IKBKE: variants seen among roughly 807,000 people sequenced by gnomAD.
IKBKE encodes inhibitor of nuclear factor kappa B kinase subunit epsilon.
IKBKE carries 45 observed loss-of-function variants against 92.1 expected under a neutral mutation model. That is an observed-to-expected ratio of 0.49 (90% confidence interval 0.38 to 0.63). The LOEUF (loss-of-function observed/expected upper bound fraction) is 0.63, where lower values mean the gene tolerates loss of function less well. Ranked by LOEUF, IKBKE falls within the 20% of genes least tolerant of loss-of-function variation. IKBKE has a pLI of 0.00. For synonymous variants in IKBKE, 374 were observed against 380.3 expected, an observed-to-expected ratio of 0.98 and a Z score of 0.19; for missense variants, 700 against 932.8, an observed-to-expected ratio of 0.75 and a Z score of 3.25.
rs782170230 is a variant in IKBKE at position 206,476,641 on chromosome 1, T to G, written c.541-37T>G. ...ACAGGTCTCAGGCCCTTGCCAGCCC[T>G]CCGGCTCCATGGCCTCATTCTGGTT... On this transcript the variant is annotated intron_variant, in intron 6 of 21. Transcript: ENST00000581977. The surrounding 1 kb of genome is among the most constrained non-coding windows in gnomAD (Gnocchi z 5.1). 1.5e-5 allele frequency: 25 copies of G among 1,613,108 alleles called. No individual in the cohort carries two copies. Among genetic ancestry groups the G allele is most frequent in the Non-Finnish European group, 2.0e-5 (24 of 1,179,410 alleles).
rs781825596 is a variant in IKBKE at position 206,479,916 on chromosome 1, G to A, written c.1230G>A (p.Ala410=). The A allele has an allele frequency of 2.3e-5, 37 of 1,613,816 alleles. No individual in the cohort carries two copies. Among genetic ancestry groups the A allele is most frequent in the East Asian group, 1.6e-4 (7 of 44,804 alleles). ...PKFVPKVDLQ[A]DYNTAKGVLG... ...TCGTCCCCAAAGTGGACCTGCAGGCGGATTACAACACTGCCAAGGTGAGGG... is the reference window on the plus strand; with the variant it reads ...TCGTCCCCAAAGTGGACCTGCAGGCAGATTACAACACTGCCAAGGTGAGGG... Residue 410 remains alanine, a synonymous_variant, in exon 11 of 22, where the codon GCG becomes GCA. Transcript: ENST00000581977.
chr1:206,480,898 C>T (rs1665346044), intron 13 of IKBKE, among the ~76,000 whole-genome samples: 1 of 152,214 alleles, frequency 6.6e-6, no homozygotes, highest in East Asian at 1.9e-4. Flanking sequence ...GGAGGACACA[C>T]ACCCACGCAC....
rs540733603 is a variant in IKBKE, at chr1:206,484,459, T to C, written c.1428-538T>C. Among the ~76,000 whole-genome samples, 6 of 152,232 alleles carry C rather than the reference T, an allele frequency of 3.9e-5. No individual in the cohort carries two copies. The South Asian group carries it at 1.2e-3, about 31-fold the overall frequency. On this transcript the variant is annotated intron_variant, in intron 13 of 21. Transcript: ENST00000581977. ...TGTAGAAGAAAGAAGCAGAGTGGTG[T>C]GACCTTGTCACCGTGCAAATGCCCA...
rs41299253 is a variant in IKBKE at position 206,489,120 on chromosome 1, G to A, written c.1693+1130G>A. 5.7e-3 allele frequency among the ~76,000 whole-genome samples: 862 copies of A among 151,392 alleles called. 6 individuals carry two copies. The highest frequency in any genetic ancestry group is 0.019 in the African/African-American group (766 of 41,238). ...AATGGCATGATCACTGCTCACTGTC[G>A]CCTCAACCTCCTGGGCTCAAGCCAT... On this transcript the variant is annotated intron_variant, in intron 16 of 21. Coordinates refer to ENST00000581977, the MANE Select transcript of IKBKE (RefSeq NM_014002.4).
chr1:206,485,318 T>C lies in IKBKE; in HGVS notation c.1616+12T>C. 1 of 1,562,870 alleles carries C rather than the reference T, an allele frequency of 6.4e-7. No homozygotes were observed. Among genetic ancestry groups the C allele is most frequent in the Non-Finnish European group, 8.8e-7 (1 of 1,133,438 alleles). ...CATGAGGACAGAAGGTCTGTGGGAT[T>C]TTCCTTCTTTGTGGGGTGGGAGTGG... On this transcript the variant is annotated intron_variant, in intron 15 of 21. Coordinates refer to ENST00000581977, the MANE Select transcript of IKBKE (RefSeq NM_014002.4). This position sits in a 1 kb window ranked among gnomAD's most constrained non-coding sequence, Gnocchi z 5.0.
At position 206,476,421 on chromosome 1, in the gene IKBKE, C is replaced by G; in HGVS notation, c.540+59C>G. On this transcript the variant is annotated intron_variant, in intron 6 of 21. Transcript: ENST00000581977. This position sits in a 1 kb window ranked among gnomAD's most constrained non-coding sequence, Gnocchi z 5.1. ...CTGAGGGCTCCCCTTGCCTTGTGAG[C>G]CCCCCAGAGCCCCCATGAGGGGGTG... 6.6e-7 allele frequency: 1 copy of G among 1,516,656 alleles called. No individual in the cohort carries two copies. The highest frequency in any genetic ancestry group is 1.4e-5 in the African/African-American group (1 of 72,972). The allele number at this position is 1,516,656 out of a possible 1,614,324, so 93.9% of individuals were successfully genotyped here.
chr1:206,491,310 T>TCA (rs1405625472), intron 17 of IKBKE: 4 of 361,546 alleles, frequency 1.1e-5, no homozygotes, highest in East Asian at 6.3e-5. Context: ...CCTTTTTGTC[T>TCA]CACACACACA....
At chr1:206,488,031 T>A (rs1370357215) in intron 16 of IKBKE, 41 bp downstream of exon 16, 1 of 1,456,830 alleles carries the variant, frequency 6.9e-7, no homozygotes, top group Admixed American at 1.7e-5. Flanking sequence ...CTCTCCTCTG[T>A]CTCCCTTCTT....
intron 7 of IKBKE, among the ~76,000 whole-genome samples, 159 bp from the exon 8 acceptor site, chr1:206,477,590 C>G (rs185331856): frequency 6.6e-6 from 1 of 152,188 alleles, no homozygotes. Context: ...GCAAGGCGCT[C>G]TCACAGCTGA....
chr1:206,478,191 G>T lies in IKBKE; in HGVS notation c.844G>T (p.Ala282Ser), dbSNP rs1553385974. ...GCAGAGCCAGCTGGTGCCCATCCTGGCCAACATCCTGGAGGTGGAGCAGGC... is the reference window on the plus strand; with the variant it reads ...GCAGAGCCAGCTGGTGCCCATCCTGTCCAACATCCTGGAGGTGGAGCAGGC... ...GLQSQLVPIL[A>S]NILEVEQAKC... The change falls in exon 9 of 22, where the codon GCC (alanine) becomes TCC (serine). Residue 282 changes from alanine to serine, a missense_variant. By Grantham distance (99) the Ala-to-Ser change is moderately conservative. Transcript: ENST00000581977. The surrounding 1 kb of genome is among the most constrained non-coding windows in gnomAD (Gnocchi z 4.8). 2 of 1,614,014 alleles carry T rather than the reference G, an allele frequency of 1.2e-6. No homozygotes were observed. Among genetic ancestry groups the T allele is most frequent in the South Asian group, 2.2e-5 (2 of 91,090 alleles).
At chr1:206,494,879 C>T (rs1666146161) in intron 21 of IKBKE, among the ~76,000 whole-genome samples, 1 of 150,554 alleles carries the variant, frequency 6.6e-6, no homozygotes, top group South Asian at 2.1e-4. Context: ...GCTGGGATTA[C>T]AGACATGAAC....
rs1319455874 is a variant in IKBKE at position 206,490,373 on chromosome 1, G to C, written c.1694-446G>C. Among the ~76,000 whole-genome samples, 2 of 152,220 alleles carry C rather than the reference G, an allele frequency of 1.3e-5. No individual in the cohort carries two copies. Among genetic ancestry groups the C allele is most frequent in the Non-Finnish European group, 2.9e-5 (2 of 68,034 alleles). On this transcript the variant is annotated intron_variant, in intron 16 of 21. Coordinates refer to ENST00000581977, the MANE Select transcript of IKBKE (RefSeq NM_014002.4). The surrounding 1 kb of genome is among the most constrained non-coding windows in gnomAD (Gnocchi z 5.2). ...GGCTGGGCAGAGCGGGGAGGTAGAA[G>C]GTGGTGGCCTGATTTCTCCAGCTCG... is the stretch of plus-strand genomic sequence containing the variant.
chr1:206,474,810 G>A (rs550689498), intron 4 of IKBKE, 55 bp from the exon 5 acceptor site: 3 of 1,594,342 alleles, frequency 1.9e-6, no homozygotes, highest in Non-Finnish European at 2.6e-6. Flanking sequence ...CTTCTTCCTG[G>A]TGGGTGGGGA....
intron 4 of IKBKE, 117 bp downstream of exon 4, chr1:206,474,588 C>A: frequency 8.9e-7 from 1 of 1,124,758 alleles, no homozygotes. Flanking sequence ...TCAGAGACAG[C>A]AGGCAAATTG....
chr1:206,481,936 C>T (rs1046112537), intron 13 of IKBKE, among the ~76,000 whole-genome samples: 6 of 151,710 alleles, frequency 4.0e-5, no homozygotes, highest in Non-Finnish European at 7.4e-5. Context: ...CCCGCCACTA[C>T]GCCCGGCTAA....
rs1553385540 is a variant in IKBKE at position 206,476,919 on chromosome 1, T to C, written c.701+81T>C. On this transcript the variant is annotated intron_variant, in intron 7 of 21. Coordinates refer to ENST00000581977, the MANE Select transcript of IKBKE (RefSeq NM_014002.4). This position sits in a 1 kb window ranked among gnomAD's most constrained non-coding sequence, Gnocchi z 5.1. ...CCCCACCGGTCCTTGCTGTGTCTTCTGGTCCCCTCACACTCCATGGCCCTC... is the reference window on the plus strand; with the variant it reads ...CCCCACCGGTCCTTGCTGTGTCTTCCGGTCCCCTCACACTCCATGGCCCTC... The C allele has an allele frequency of 2.0e-6, 3 of 1,512,714 alleles. No individual in the cohort carries two copies. In the African/African-American group the frequency reaches 4.1e-5, roughly 21 times the overall value. 93.7% of individuals were successfully genotyped at this position (1,512,714 alleles called of 1,614,324 possible). A position where few individuals can be genotyped will look rare whatever the true frequency, so the allele number is the denominator to read the frequency against.
chr1:206,483,955 A>T (rs1665523651), intron 13 of IKBKE, among the ~76,000 whole-genome samples: 2 of 150,764 alleles, frequency 1.3e-5, no homozygotes, highest in Non-Finnish European at 3.0e-5. Flanking sequence ...ATTTTATTTT[A>T]TTTCTTTTCT....
chr1:206,480,615 C>T (rs1312178448), intron 13 of IKBKE, 82 bp downstream of exon 13: 8 of 908,748 alleles, frequency 8.8e-6, no homozygotes, highest in South Asian at 1.4e-5. Context: ...AACAATGCAC[C>T]TCTTCTCCCC....
Position 206,485,054 on chromosome 1 carries a change from G to T in IKBKE, c.1485G>T (p.Leu495=), listed in dbSNP as rs1044420661. Residue 495 remains leucine, a synonymous_variant, in exon 14 of 22, where the codon CTG becomes CTT. Coordinates refer to ENST00000581977, the MANE Select transcript of IKBKE (RefSeq NM_014002.4). This position sits in a 1 kb window ranked among gnomAD's most constrained non-coding sequence, Gnocchi z 5.0. ...AGGAACTGAAGGCGGCTGCAGAACT[G>T]AGGTCCAGGCTGCGGACTGTGAGTG... is the stretch of plus-strand genomic sequence containing the variant. ...EIQELKAAAE[L]RSRLRTLAEV... The T allele has an allele frequency of 6.2e-7, 1 of 1,614,144 alleles. No homozygotes were observed. The highest frequency in any genetic ancestry group is 1.7e-5 in the Admixed American group (1 of 60,028).
Sources: gnomAD v4.1 joint callset for allele counts (sites outside exome capture counted in the v4.1 genomes callset) on GRCh38, gnomAD v4.1.1 for gene constraint, Gnocchi (gnomAD v3.1) non-coding constraint, MANE v1.5 for transcripts, NCBI Gene and HGNC (gene_info 2026-07-23, HGNC 2026-07-21) for gene names.